The following ATG7 variants were observed in gnomAD, a reference collection of about 807,000 sequenced individuals.
The protein encoded by ATG7 is ubiquitin-like modifier-activating enzyme ATG7.
Under a neutral mutation model 82.4 loss-of-function variants are expected in ATG7, and 70 were observed. The ratio of observed to expected loss-of-function variants is 0.85; its 90% CI spans 0.70 to 1.04. The LOEUF (loss-of-function observed/expected upper bound fraction) is 1.04, where lower values mean the gene tolerates loss of function less well. Ranked by LOEUF, ATG7 falls within the 50% of genes least tolerant of loss-of-function variation. The pLI, the probability that ATG7 is intolerant of heterozygous loss-of-function variation, is 0.00. For synonymous variants in ATG7, 287 were observed against 313.0 expected (o/e 0.92, Z 0.88); for missense variants, 792 against 864.3 (o/e 0.92, Z 1.05).
At chr3:11,388,273 A>C (rs1575959529) in intron 19 of ATG7, among the ~76,000 whole-genome samples, 1 of 151,230 alleles carries the variant, frequency 6.6e-6, no homozygotes, top group African/African-American at 2.4e-5. Context: ...TTGATCAACT[A>C]TTTCATTTCT....
intron 9 of ATG7, among the ~76,000 whole-genome samples, chr3:11,327,814 G>T (rs1183117423): frequency 1.3e-5 from 2 of 152,204 alleles, no homozygotes; most frequent in African/African-American, 2.4e-5. Flanking sequence ...TTCCATGGGT[G>T]TATGAATCAC....
At position 11,556,944 on chromosome 3, in the gene ATG7, T is replaced by C. The variant is rs1313302372; in HGVS notation, c.*2101T>C. The C allele has an allele frequency of 1.3e-5, 2 of 152,718 alleles. No individual in the cohort carries two copies. Among genetic ancestry groups the C allele is most frequent in the African/African-American group, 4.8e-5 (2 of 41,446 alleles). 9.5% of individuals were successfully genotyped at this position (152,718 alleles called of 1,614,324 possible). A position where few individuals can be genotyped will look rare whatever the true frequency, so the allele number is the denominator to read the frequency against. On this transcript the variant is annotated 3_prime_UTR_variant, in exon 21 of 21. Coordinates refer to ENST00000693202, the MANE Select transcript of ATG7 (RefSeq NM_001349232.2). ...GCCACTCTGTGACTACAAGAGCCAG[T>C]CCTCCGACCTTTTCACCCAGTGCCA...
chr3:11,477,786 A>G (rs142769645), intron 20 of ATG7, among the ~76,000 whole-genome samples: 88 of 152,342 alleles, frequency 5.8e-4, no homozygotes, highest in African/African-American at 1.9e-3. Flanking sequence ...GAATCAGTAC[A>G]GCCTAGACGC....
chr3:11,512,117 G>A (rs1209291252), intron 20 of ATG7, among the ~76,000 whole-genome samples: 3 of 152,208 alleles, frequency 2.0e-5, no homozygotes, highest in Admixed American at 1.3e-4. Context: ...GGTGCCAAGA[G>A]CAAGCGAGGG....
Position 11,340,689 on chromosome 3 carries a change from A to G in ATG7, c.934A>G (p.Met312Val), listed in dbSNP as rs753042040. The change falls in exon 12 of 21, where the codon ATG (methionine) becomes GTG (valine). Residue 312 changes from methionine to valine, a missense_variant. Coordinates refer to ENST00000693202, the MANE Select transcript of ATG7 (RefSeq NM_001349232.2). ...VGWEKNQKGG[M>V]GPRMVNLSEC... ...ATGGGAAAAGAACCAGAAAGGAGGC[A>G]TGGGACCAAGGATGGTGAACCTCAG... 7 of 1,613,800 alleles carry G rather than the reference A, an allele frequency of 4.3e-6. No homozygotes were observed.
intron 1 of ATG7, among the ~76,000 whole-genome samples, chr3:11,280,222 A>G (rs1942797684): frequency 6.6e-6 from 1 of 151,560 alleles, no homozygotes; most frequent in Non-Finnish European, 1.5e-5. Flanking sequence ...CTTTTTTTGT[A>G]TTTTTAGTAG....
chr3:11,383,447 G>T (rs1006607381), intron 19 of ATG7, among the ~76,000 whole-genome samples: 1 of 152,012 alleles, frequency 6.6e-6, no homozygotes, highest in African/African-American at 2.4e-5. Flanking sequence ...ATACCTTTCG[G>T]TGATGCTAGT....
At chr3:11,301,188 G>A (rs1483485973) in intron 5 of ATG7, among the ~76,000 whole-genome samples, 3 of 152,136 alleles carry the variant, frequency 2.0e-5, no homozygotes, top group East Asian at 3.9e-4. Flanking sequence ...AGGTCAATGC[G>A]AGGGCCACTG....
At chr3:11,454,071 T>G (rs1445812636) in intron 20 of ATG7, among the ~76,000 whole-genome samples, 1 of 152,242 alleles carries the variant, frequency 6.6e-6, no homozygotes, top group Non-Finnish European at 1.5e-5. Context: ...TCTGTCTGGC[T>G]AGCAGGTCTG....
Position 11,364,190 on chromosome 3 carries a change from A to G in ATG7, c.1800-469A>G, listed in dbSNP as rs1040853149. Among the ~76,000 whole-genome samples, 12 of 152,276 alleles carry G rather than the reference A, an allele frequency of 7.9e-5. 2 individuals are homozygous for G. The highest frequency in any genetic ancestry group is 7.8e-4 in the Admixed American group (12 of 15,290). On this transcript the variant is annotated intron_variant, in intron 17 of 20. Coordinates refer to ENST00000693202, the MANE Select transcript of ATG7 (RefSeq NM_001349232.2). ...TCTTCACTTTTATTTCTTCCATTTC[A>G]TTAGCATTTATATCAGCTCAAGAAG...
Position 11,297,339 on chromosome 3 carries a change from C to T in ATG7, c.-10-1347C>T, listed in dbSNP as rs561831647. On this transcript the variant is annotated intron_variant, in intron 3 of 20. Transcript: ENST00000693202. ...TGCCACTGTACTGTAGCCTGGGCAG[C>T]AGAGCGTGACCCTGTAAATGTATCC... Among the ~76,000 whole-genome samples the T allele has an allele frequency of 5.3e-5, 8 of 152,260 alleles. No individual in the cohort carries two copies. The South Asian group carries it at 1.7e-3, about 32-fold the overall frequency.
the ATG7 span, chr3:11,564,954 C>T: frequency 6.4e-6 from 10 of 1,567,012 alleles, no homozygotes; most frequent in East Asian, 4.7e-5. Flanking sequence ...GGCCACAGCG[C>T]GCTCGATGGG....
At chr3:11,493,388 C>T (rs1400143098) in intron 20 of ATG7, among the ~76,000 whole-genome samples, 1 of 152,156 alleles carries the variant, frequency 6.6e-6, no homozygotes, top group Non-Finnish European at 1.5e-5. Flanking sequence ...ACAGGGCTGG[C>T]CATAGGTAGT....
intron 19 of ATG7, among the ~76,000 whole-genome samples, chr3:11,421,524 G>T (rs192577186): frequency 6.6e-6 from 1 of 152,088 alleles, no homozygotes; most frequent in East Asian, 1.9e-4. Flanking sequence ...ACATCTTCAG[G>T]CTCCACTTTT....
chr3:11,445,424 T>C (rs892131299), intron 20 of ATG7, among the ~76,000 whole-genome samples: 4 of 152,120 alleles, frequency 2.6e-5, no homozygotes, highest in African/African-American at 9.7e-5. Flanking sequence ...TACAAACTCA[T>C]CGAGGAGCAG....
chr3:11,324,214 G>A (rs763242115), intron 9 of ATG7, among the ~76,000 whole-genome samples: 1 of 152,182 alleles, frequency 6.6e-6, no homozygotes, highest in Non-Finnish European at 1.5e-5. Context: ...GGCAAAGCCA[G>A]TTCTAAAACC....
At chr3:11,379,862 C>T (rs1363756365) in intron 18 of ATG7, 110 bp from the exon 19 acceptor site, 34 of 1,047,894 alleles carry the variant, frequency 3.2e-5, no homozygotes, top group African/African-American at 1.6e-4. Flanking sequence ...AATCTCTTTC[C>T]GGGCCGCCAT....
chr3:11,382,148 C>T (rs571320871), intron 19 of ATG7, among the ~76,000 whole-genome samples: 2 of 152,286 alleles, frequency 1.3e-5, no homozygotes, highest in East Asian at 3.9e-4. Flanking sequence ...GGATCAAGGC[C>T]ATGCTTGTGT....
intron 7 of ATG7, among the ~76,000 whole-genome samples, chr3:11,310,143 C>T (rs1291176597): frequency 7.3e-5 from 11 of 150,086 alleles, no homozygotes; most frequent in African/African-American, 2.7e-4. Context: ...CCAGCCTGGA[C>T]AACAGAGTGA....
Sources: gnomAD v4.1 joint callset for allele counts (sites outside exome capture counted in the v4.1 genomes callset) on GRCh38, gnomAD v4.1.1 for gene constraint, MANE v1.5 for transcripts, NCBI Gene and HGNC (gene_info 2026-07-23, HGNC 2026-07-21) for gene names.